The following MLLT3 variants were observed in gnomAD, a reference collection of about 807,000 sequenced individuals.
MLLT3 encodes the protein MLLT3 super elongation complex subunit, also known as protein AF-9.
A neutral mutation model predicts 53.2 loss-of-function variants in MLLT3; 4 were observed. The ratio of observed to expected loss-of-function variants is 0.08; its 90% CI spans 0.04 to 0.17. The LOEUF is 0.17. MLLT3 is among the 10% of genes least tolerant of loss of function. The probability of loss-of-function intolerance (pLI) is 1.00; values close to 1 mark genes in which losing one functional copy is unlikely to be tolerated. For synonymous variants in MLLT3, 283 were observed against 230.6 expected (o/e 1.23, Z -2.06); for missense variants, 569 against 684.0 (o/e 0.83, Z 1.87).
At chr9:20,348,418 T>C (rs558608293) in intron 10 of MLLT3, among the ~76,000 whole-genome samples, 2 of 152,326 alleles carry the variant, frequency 1.3e-5, no homozygotes, top group Admixed American at 1.3e-4. Context: ...TCTTTCCTTC[T>C]TCCTGTGTGC....
At chr9:20,525,764 T>C (rs1260462981) in intron 2 of MLLT3, among the ~76,000 whole-genome samples, 1 of 152,240 alleles carries the variant, frequency 6.6e-6, no homozygotes, top group African/African-American at 2.4e-5. Flanking sequence ...GCCCTTTTAA[T>C]GTGTCAGTCC....
At chr9:20,599,181 G>A (rs1253652024) in intron 2 of MLLT3, among the ~76,000 whole-genome samples, 4 of 152,082 alleles carry the variant, frequency 2.6e-5, no homozygotes, top group Non-Finnish European at 5.9e-5. Flanking sequence ...GCACGCGCCT[G>A]CAGTCCCAGC....
chr9:20,550,503 T>G (rs1818899779), intron 2 of MLLT3, among the ~76,000 whole-genome samples: 2 of 152,248 alleles, frequency 1.3e-5, no homozygotes, highest in Admixed American at 6.5e-5. Flanking sequence ...CAATCACAGC[T>G]CACCATAACC....
At chr9:20,461,743 C>T (rs1824112649) in intron 2 of MLLT3, among the ~76,000 whole-genome samples, 1 of 152,222 alleles carries the variant, frequency 6.6e-6, no homozygotes, top group African/African-American at 2.4e-5. Context: ...AGATTCCTCT[C>T]CAGAGCATCC....
At chr9:20,369,588 C>G (rs1165372945) in intron 5 of MLLT3, among the ~76,000 whole-genome samples, 1 of 152,156 alleles carries the variant, frequency 6.6e-6, no homozygotes, top group Non-Finnish European at 1.5e-5. Flanking sequence ...GCTCAAAGAG[C>G]CACTCTGCCA....
chr9:20,604,881 T>C (rs1423129607), intron 2 of MLLT3, among the ~76,000 whole-genome samples: 1 of 152,146 alleles, frequency 6.6e-6, no homozygotes, highest in Non-Finnish European at 1.5e-5. Context: ...TTTATTCACA[T>C]ATATGGCCAG....
chr9:20,590,219 A>G (rs1820093816), intron 2 of MLLT3, among the ~76,000 whole-genome samples: 1 of 152,138 alleles, frequency 6.6e-6, no homozygotes, highest in Non-Finnish European at 1.5e-5. Context: ...GATTCTTAAC[A>G]TCCTAGAAGT....
At chr9:20,467,280 T>C (rs1294333473) in intron 2 of MLLT3, among the ~76,000 whole-genome samples, 1 of 152,074 alleles carries the variant, frequency 6.6e-6, no homozygotes, top group Admixed American at 6.6e-5. Context: ...ATGCCCTGCT[T>C]AAGATTTTAA....
chr9:20,391,395 CA>C (rs1315419766), intron 5 of MLLT3, among the ~76,000 whole-genome samples: 1 of 152,094 alleles, frequency 6.6e-6, no homozygotes, highest in African/African-American at 2.4e-5. Context: ...GGTAGTAACC[CA>C]GGGGGAACTG....
chr9:20,604,905 C>A (rs1820524101), intron 2 of MLLT3, among the ~76,000 whole-genome samples: 1 of 151,984 alleles, frequency 6.6e-6, no homozygotes, highest in Non-Finnish European at 1.5e-5. Context: ...TAAGTTGTAT[C>A]TTTTTTCTGT....
In MLLT3 at chr9:20,430,423, C is replaced by A. The variant is rs892186611; in HGVS notation, c.421-15998G>T. On this transcript the variant is annotated intron_variant, in intron 4 of 10. Coordinates refer to ENST00000380338, the MANE Select transcript of MLLT3 (RefSeq NM_004529.4). ...ATTGTAGTATTGCTACAGAGATCAA[C>A]AAACTGATCAATGGAACAGAAATGT... Among the ~76,000 whole-genome samples, 12 of 152,168 alleles carry A rather than the reference C, an allele frequency of 7.9e-5. No individual in the cohort carries two copies. In the South Asian group the frequency reaches 1.7e-3, roughly 21 times the overall value.
intron 2 of MLLT3, among the ~76,000 whole-genome samples, chr9:20,516,302 A>AT: frequency 6.6e-6 from 1 of 152,300 alleles, no homozygotes; most frequent in African/African-American, 2.4e-5. Context: ...ATCGCACTCC[A>AT]ATCTGATAGG....
At chr9:20,524,871 T>A (rs1430216797) in intron 2 of MLLT3, among the ~76,000 whole-genome samples, 1 of 152,120 alleles carries the variant, frequency 6.6e-6, no homozygotes, top group Non-Finnish European at 1.5e-5. Context: ...AAGTCAAAAC[T>A]TGTCCTTCCA....
intron 7 of MLLT3, chr9:20,362,798 T>TTGGATTTTAA (rs1246913969): frequency 1.3e-5 from 2 of 150,822 alleles, no homozygotes; most frequent in Non-Finnish European, 1.5e-5. Flanking sequence ...ATAAATGTAA[T>TTGGATTTTAA]TGGATTTTAA....
intron 2 of MLLT3, among the ~76,000 whole-genome samples, chr9:20,570,667 C>T (rs532789111): frequency 6.6e-6 from 1 of 152,174 alleles, no homozygotes; most frequent in African/African-American, 2.4e-5. Context: ...ATCAAAAATC[C>T]AAAGGTCCAA....
chr9:20,570,208 G>GTC (rs1554640319), intron 2 of MLLT3, among the ~76,000 whole-genome samples: 1 of 71,870 alleles, frequency 1.4e-5, no homozygotes, highest in Non-Finnish European at 2.7e-5. Flanking sequence ...ATATTATATT[G>GTC]TAAGGGACAA....
intron 2 of MLLT3, among the ~76,000 whole-genome samples, chr9:20,483,239 TTA>T (rs957822095): frequency 2.1e-4 from 13 of 61,652 alleles, no homozygotes; most frequent in African/African-American, 1.2e-3. Context: ...ATTATTATTA[TTA>T]TTTTTTTTTT....
intron 4 of MLLT3, among the ~76,000 whole-genome samples, chr9:20,436,313 T>C (rs1399366143): frequency 6.6e-6 from 1 of 152,220 alleles, no homozygotes; most frequent in Non-Finnish European, 1.5e-5. Flanking sequence ...CACAGATAGG[T>C]TGATGCTGGC....
chr9:20,609,835 G>C (rs1820655243), intron 2 of MLLT3, among the ~76,000 whole-genome samples: 1 of 152,002 alleles, frequency 6.6e-6, no homozygotes, highest in African/African-American at 2.4e-5. Context: ...CATAAGAAAG[G>C]ATAAAATTCC....
Sources: allele counts gnomAD v4.1 joint callset (sites outside exome capture counted in the v4.1 genomes callset), GRCh38; gene constraint gnomAD v4.1.1; transcripts MANE v1.5; gene names NCBI Gene and HGNC (gene_info 2026-07-23, HGNC 2026-07-21).